Variants in TACR3 observed in about 807,000 individuals in gnomAD.
The protein encoded by TACR3 is neuromedin-K receptor.
TACR3 carries 34 observed loss-of-function variants against 35.0 expected under a neutral mutation model. The ratio of observed to expected loss-of-function variants is 0.97; its 90% CI spans 0.74 to 1.30. TACR3 has a LOEUF of 1.30. Among genes scored for constraint, TACR3 ranks in the 50% most tolerant of loss-of-function variants. The probability of loss-of-function intolerance (pLI) is 0.00; values close to 1 mark genes in which losing one functional copy is unlikely to be tolerated. For missense variants in TACR3, 558 were observed against 591.7 expected (o/e 0.94, Z 0.59); for synonymous variants, 233 against 221.1 (o/e 1.05, Z -0.48).
At chr4:103,698,493 T>C (rs905315635) in intron 1 of TACR3, among the ~76,000 whole-genome samples, 5 of 152,102 alleles carry the variant, frequency 3.3e-5, no homozygotes, top group Admixed American at 1.3e-4. Context: ...TATATGATTT[T>C]TAAAATTTAA....
At chr4:103,599,553 C>T (rs1724135976) in intron 3 of TACR3, among the ~76,000 whole-genome samples, 2 of 152,158 alleles carry the variant, frequency 1.3e-5, no homozygotes, top group South Asian at 4.1e-4. Flanking sequence ...AGGAATGCTT[C>T]CAGTTTTTGC....
intron 1 of TACR3, among the ~76,000 whole-genome samples, chr4:103,705,628 A>G (rs1046056585): frequency 6.6e-6 from 1 of 152,190 alleles, no homozygotes; most frequent in Non-Finnish European, 1.5e-5. Flanking sequence ...GAAACAGCTA[A>G]TTTATATTGG....
chr4:103,614,884 G>GTGTTTTTTTTTT (rs1724601239), intron 3 of TACR3, among the ~76,000 whole-genome samples: 6 of 72,006 alleles, frequency 8.3e-5, no homozygotes, highest in South Asian at 5.2e-4. Context: ...TTATGAATGT[G>GTGTTTTTTTTTT]TTTTTTTTTT....
At chr4:103,668,305 T>C (rs10015010) in intron 1 of TACR3, among the ~76,000 whole-genome samples, 3,648 of 152,242 alleles carry the variant, frequency 0.024, 95 homozygotes, top group Admixed American at 0.061. Context: ...AAGTGTGCAA[T>C]AGCATTATGT....
At chr4:103,622,357 T>C (rs1051562199) in intron 3 of TACR3, among the ~76,000 whole-genome samples, 1 of 152,172 alleles carries the variant, frequency 6.6e-6, no homozygotes, top group Non-Finnish European at 1.5e-5. Context: ...ATGGTTTCAT[T>C]GACGGAGGAC....
At chr4:103,614,458 G>A (rs1181463192) in intron 3 of TACR3, among the ~76,000 whole-genome samples, 1 of 152,098 alleles carries the variant, frequency 6.6e-6, no homozygotes, top group Admixed American at 6.6e-5. Context: ...ATCATTAAAT[G>A]GTTGAGCAGT....
In TACR3 at chr4:103,587,735, T is replaced by C. The variant is rs1201101418; in HGVS notation, c.*1947A>G. On this transcript the variant is annotated 3_prime_UTR_variant, in exon 5 of 5. Coordinates refer to ENST00000304883, the MANE Select transcript of TACR3 (RefSeq NM_001059.3). ...ATAATAACTTTTTACATATTAGGCT[T>C]TTTCTTGACACTTTAACATTGTATG... 1 of 152,112 alleles carries C rather than the reference T, an allele frequency of 6.6e-6. No homozygotes were observed. Among genetic ancestry groups the C allele is most frequent in the Non-Finnish European group, 1.5e-5 (1 of 67,986 alleles). 9.4% of individuals were successfully genotyped at this position (152,112 alleles called of 1,614,324 possible). A position where few individuals can be genotyped will look rare whatever the true frequency, so the allele number is the denominator to read the frequency against.
intron 3 of TACR3, among the ~76,000 whole-genome samples, chr4:103,605,804 G>A (rs1366257595): frequency 2.0e-5 from 3 of 151,806 alleles, no homozygotes; most frequent in Non-Finnish European, 4.4e-5. Context: ...AGTTTCTTTT[G>A]CTGTGCAGAA....
chr4:103,595,898 C>T (rs1358468187), intron 3 of TACR3, among the ~76,000 whole-genome samples: 1 of 113,416 alleles, frequency 8.8e-6, no homozygotes, highest in Non-Finnish European at 1.8e-5. Flanking sequence ...TATCCCTCCC[C>T]CCTCCCCCCA....
intron 1 of TACR3, among the ~76,000 whole-genome samples, chr4:103,687,897 C>G (rs947144720): frequency 2.0e-5 from 3 of 152,156 alleles, no homozygotes; most frequent in African/African-American, 7.2e-5. Flanking sequence ...GAAAAAACTA[C>G]TTTAAAGTTC....
At chr4:103,680,526 C>CAT (rs950026802) in intron 1 of TACR3, among the ~76,000 whole-genome samples, 2 of 143,584 alleles carry the variant, frequency 1.4e-5, no homozygotes, top group South Asian at 2.1e-4. Flanking sequence ...TATATATACA[C>CAT]ATATATATAC....
At chr4:103,601,821 T>G (rs543407332) in intron 3 of TACR3, among the ~76,000 whole-genome samples, 207 of 152,338 alleles carry the variant, frequency 1.4e-3, no homozygotes, top group African/African-American at 4.7e-3. Flanking sequence ...GCTTAACATT[T>G]TTTCCTTCAT....
chr4:103,631,193 A>C (rs915593892), intron 3 of TACR3, among the ~76,000 whole-genome samples: 18 of 152,046 alleles, frequency 1.2e-4, no homozygotes, highest in Non-Finnish European at 2.2e-4. Context: ...GGGTGGCTGG[A>C]GGAGGGATAG....
Position 103,656,098 on chromosome 4 carries a change from C to T in TACR3, c.888+96G>A, listed in dbSNP as rs1175476126. On this transcript the variant is annotated intron_variant, in intron 3 of 4. Transcript: ENST00000304883. ...GACATTAAAAACAGGAGTAGAGCAT[C>T]AGATCATATTGTATTAACATGCCAT... 7 of 1,453,192 alleles carry T rather than the reference C, an allele frequency of 4.8e-6. No homozygotes were observed. In the South Asian group the frequency reaches 7.0e-5, roughly 15 times the overall value. The allele number at this position is 1,453,192 out of a possible 1,614,324, so 90.0% of individuals were successfully genotyped here. A position where few individuals can be genotyped will look rare whatever the true frequency, so the allele number is the denominator to read the frequency against.
chr4:103,598,213 G>A (rs578181980), intron 3 of TACR3, among the ~76,000 whole-genome samples: 21 of 152,278 alleles, frequency 1.4e-4, no homozygotes, highest in African/African-American at 4.6e-4. Context: ...GTGATGGTGA[G>A]CATTTTTTCA....
In TACR3 at chr4:103,586,642, GTT is replaced by G. The variant is rs1723776483; in HGVS notation, c.*3038_*3039del. 5 of 152,154 alleles carry G rather than the reference GTT, an allele frequency of 3.3e-5. No homozygotes were observed. Among genetic ancestry groups the G allele is most frequent in the African/African-American group, 1.2e-4 (5 of 41,530 alleles). The allele number at this position is 152,154 out of a possible 1,614,324, so 9.4% of individuals were successfully genotyped here. ...TCACTCTGAAATTGCTCAGTTCACTGTTTCTAAGACATTGGCAGGATTTGGAA... is the reference window on the plus strand; with the variant it reads ...TCACTCTGAAATTGCTCAGTTCACTGTCTAAGACATTGGCAGGATTTGGAA... On this transcript the variant is annotated 3_prime_UTR_variant, in exon 5 of 5. Transcript: ENST00000304883.
intron 3 of TACR3, among the ~76,000 whole-genome samples, chr4:103,632,859 A>T (rs1226823189): frequency 6.6e-6 from 1 of 152,104 alleles, no homozygotes; most frequent in Non-Finnish European, 1.5e-5. Context: ...AAATGTAGCC[A>T]CAATATTCAT....
intron 3 of TACR3, among the ~76,000 whole-genome samples, chr4:103,601,008 G>A (rs1273609851): frequency 6.6e-6 from 1 of 151,952 alleles, no homozygotes; most frequent in Admixed American, 6.6e-5. Flanking sequence ...CAATTCTTGG[G>A]TATCTTTGTT....
intron 3 of TACR3, among the ~76,000 whole-genome samples, chr4:103,606,184 A>G (rs1457066708): frequency 2.6e-5 from 4 of 151,496 alleles, no homozygotes; most frequent in Non-Finnish European, 5.9e-5. Flanking sequence ...ATTGGTCTAT[A>G]TCTCTGTTTT....
Sources: allele counts gnomAD v4.1 joint callset (sites outside exome capture counted in the v4.1 genomes callset), GRCh38; gene constraint gnomAD v4.1.1; transcripts MANE v1.5; gene names NCBI Gene and HGNC (gene_info 2026-07-23, HGNC 2026-07-21).